The following BAZ2B variants were observed in gnomAD, a reference collection of about 807,000 sequenced individuals.
The protein encoded by BAZ2B is bromodomain adjacent to zinc finger domain 2B, also known as bromodomain adjacent to zinc finger domain protein 2B.
BAZ2B carries 91 observed loss-of-function variants against 246.0 expected under a neutral mutation model. That is an observed-to-expected ratio of 0.37 (90% CI 0.31 to 0.44). BAZ2B has a LOEUF of 0.44. Among genes scored for constraint, BAZ2B ranks in the 20% least tolerant of loss-of-function variants. BAZ2B has a pLI of 1.00. For synonymous variants in BAZ2B, 855 were observed against 860.0 expected, an observed-to-expected ratio of 0.99 and a Z score of 0.10; for missense variants, 2,332 against 2,533.7, an observed-to-expected ratio of 0.92 and a Z score of 1.71.
chr2:159,327,259 C>T (rs2063847756), intron 34 of BAZ2B, among the ~76,000 whole-genome samples: 1 of 152,108 alleles, frequency 6.6e-6, no homozygotes, highest in African/African-American at 2.4e-5. Flanking sequence ...AAAAACAGTC[C>T]TTTGGAGTAT....
intron 27 of BAZ2B, among the ~76,000 whole-genome samples, chr2:159,366,389 T>C (rs989608365): frequency 2.6e-5 from 4 of 152,230 alleles, no homozygotes; most frequent in Non-Finnish European, 5.9e-5. Context: ...AAAGGCATGC[T>C]TACCCTGCCT....
intron 3 of BAZ2B, among the ~76,000 whole-genome samples, chr2:159,466,175 A>G (rs1193418034): frequency 1.3e-5 from 2 of 152,192 alleles, no homozygotes; most frequent in African/African-American, 4.8e-5. Flanking sequence ...TGTTTTTCAT[A>G]CATTGCCTCT....
the BAZ2B span, among the ~76,000 whole-genome samples, chr2:159,653,064 A>G: frequency 1.3e-5 from 2 of 151,928 alleles, no homozygotes; most frequent in Non-Finnish European, 2.9e-5. Context: ...CAGCCTCCCA[A>G]GTAACTGGGA....
the BAZ2B span, chr2:159,689,308 T>C: frequency 4.7e-6 from 2 of 426,150 alleles, no homozygotes; most frequent in Non-Finnish European, 8.5e-6. Context: ...TACTACTACC[T>C]TCACCATGAA....
At chr2:159,592,431 A>G (rs1247597474) in intron 1 of BAZ2B, among the ~76,000 whole-genome samples, 1 of 152,236 alleles carries the variant, frequency 6.6e-6, no homozygotes, top group Non-Finnish European at 1.5e-5. Flanking sequence ...TACAGGCGTG[A>G]GCCACTGCAC....
At chr2:159,624,863 G>A in the BAZ2B span, among the ~76,000 whole-genome samples, 3 of 152,194 alleles carry the variant, frequency 2.0e-5, no homozygotes, top group East Asian at 3.9e-4. Flanking sequence ...GCTTCAGAAG[G>A]TGAGTAATAA....
chr2:159,405,756 T>TG (rs2149811379), intron 14 of BAZ2B, among the ~76,000 whole-genome samples: 1 of 152,212 alleles, frequency 6.6e-6, no homozygotes, highest in South Asian at 2.1e-4. Context: ...CCCCACTTAG[T>TG]GGGAAAATAG....
intron 2 of BAZ2B, among the ~76,000 whole-genome samples, chr2:159,514,383 C>T (rs568972179): frequency 1.3e-5 from 2 of 152,234 alleles, no homozygotes; most frequent in Non-Finnish European, 2.9e-5. Flanking sequence ...CTGTTAACAG[C>T]CTATTAATTT....
rs369193916 is a variant in BAZ2B at position 159,473,291 on chromosome 2, G to A, written c.145+5284C>T. Among the ~76,000 whole-genome samples the A allele has an allele frequency of 3.3e-4, 50 of 152,282 alleles. 1 individual carries two copies. Among genetic ancestry groups the A allele is most frequent in the African/African-American group, 1.2e-3 (49 of 41,540 alleles). ...AGGGATTCGACCTCTTCCTGGTTTT[G>A]TCTTGGGAGGGTGTATGTGTCCAGG... On this transcript the variant is annotated intron_variant, in intron 3 of 36. Coordinates refer to ENST00000392783, the MANE Select transcript of BAZ2B (RefSeq NM_013450.4).
the BAZ2B span, among the ~76,000 whole-genome samples, chr2:159,657,131 T>G: frequency 6.6e-6 from 1 of 152,192 alleles, no homozygotes; most frequent in African/African-American, 2.4e-5. Flanking sequence ...GTTTTACATT[T>G]AGGTCTATCC....
the BAZ2B span, among the ~76,000 whole-genome samples, chr2:159,650,994 A>G: frequency 1.3e-5 from 2 of 152,214 alleles, no homozygotes; most frequent in African/African-American, 4.8e-5. Flanking sequence ...ATCTAGAAAT[A>G]TAAGATCCTA....
At chr2:159,347,124 A>G (rs1225476679) in intron 31 of BAZ2B, among the ~76,000 whole-genome samples, 1 of 152,180 alleles carries the variant, frequency 6.6e-6, no homozygotes, top group Non-Finnish European at 1.5e-5. Flanking sequence ...TAATATTTGT[A>G]CTAGATCATC....
chr2:159,711,333 T>G, the BAZ2B span, among the ~76,000 whole-genome samples: 7 of 152,246 alleles, frequency 4.6e-5, no homozygotes, highest in African/African-American at 1.7e-4. Flanking sequence ...GGCACTTACA[T>G]GCCAACTTAA....
chr2:159,541,525 C>T (rs1244333695), intron 2 of BAZ2B, among the ~76,000 whole-genome samples: 3 of 152,076 alleles, frequency 2.0e-5, no homozygotes, highest in Non-Finnish European at 4.4e-5. Context: ...GCGATCTGCC[C>T]ACCTCAGCCT....
At chr2:159,366,764 C>T (rs567880697) in intron 27 of BAZ2B, among the ~76,000 whole-genome samples, 182 of 152,316 alleles carry the variant, frequency 1.2e-3, no homozygotes, top group Middle Eastern at 0.01. Context: ...CTCTGTATCT[C>T]CTAATGCTGT....
the BAZ2B span, chr2:159,694,525 C>T: frequency 6.6e-6 from 1 of 152,106 alleles, no homozygotes; most frequent in Non-Finnish European, 1.5e-5. Context: ...AACCACTTAT[C>T]TGTTTTGTAT....
rs76918677 is a variant in BAZ2B at position 159,363,483 on chromosome 2, G to A, written c.4213+9562C>T. Among the ~76,000 whole-genome samples, 952 of 152,306 alleles carry A rather than the reference G, an allele frequency of 6.3e-3. 8 individuals are homozygous for A. Among genetic ancestry groups the A allele is most frequent in the African/African-American group, 0.022 (908 of 41,568 alleles). On this transcript the variant is annotated intron_variant, in intron 27 of 36. Coordinates refer to ENST00000392783, the MANE Select transcript of BAZ2B (RefSeq NM_013450.4). The stretch of plus-strand genomic sequence containing the variant: ...CTTATTCCTTCATCTGGGAGGCAAT[G>A]TTGGACATGAAATAGTTCTTTTTAG...
intron 22 of BAZ2B, among the ~76,000 whole-genome samples, chr2:159,385,743 AT>A (rs2149538084): frequency 6.6e-6 from 1 of 152,186 alleles, no homozygotes; most frequent in East Asian, 1.9e-4. Flanking sequence ...AAAAAACAGT[AT>A]TGTTTTCTAC....
chr2:159,377,684 G>C (rs890889269), intron 25 of BAZ2B, among the ~76,000 whole-genome samples: 1 of 151,724 alleles, frequency 6.6e-6, no homozygotes, highest in Non-Finnish European at 1.5e-5. Flanking sequence ...GTGGTGGCAG[G>C]CACCTGTAAT....
Sources: allele counts gnomAD v4.1 joint callset (sites outside exome capture counted in the v4.1 genomes callset), GRCh38; gene constraint gnomAD v4.1.1; transcripts MANE v1.5; gene names NCBI Gene and HGNC (gene_info 2026-07-23, HGNC 2026-07-21).